Variants in PLEKHG5 observed in about 807,000 individuals in gnomAD.
The protein encoded by PLEKHG5 is pleckstrin homology and RhoGEF domain containing G5.
PLEKHG5 carries 52 observed loss-of-function variants against 103.8 expected under a neutral mutation model. The observed-to-expected ratio is 0.50, with a 90% CI of 0.40 to 0.63. The LOEUF is 0.63. PLEKHG5 is among the 30% of genes least tolerant of loss of function. The probability of loss-of-function intolerance (pLI) is 0.00; values close to 1 mark genes in which losing one functional copy is unlikely to be tolerated. For missense variants in PLEKHG5, 1,205 were observed against 1,347.6 expected (o/e 0.89, Z 1.66); for synonymous variants, 592 against 575.5 (o/e 1.03, Z -0.41).
At position 6,469,035 on chromosome 1, in the gene PLEKHG5, G is replaced by A; in HGVS notation, c.2249+7C>T. 1 of 1,612,248 alleles carries A rather than the reference G, an allele frequency of 6.2e-7. No individual in the cohort carries two copies. Among genetic ancestry groups the A allele is most frequent in the Non-Finnish European group, 8.5e-7 (1 of 1,178,656 alleles). On this transcript the variant is annotated splice_region_variant and intron_variant, in intron 19 of 20. Transcript: ENST00000377728. ...TTGACCTGCTGGGTGGTCATGAGCA[G>A]ACGTACCAGTGCTGAGAGTCGGGGC...
chr1:6,486,457 C>T lies in PLEKHG5; in HGVS notation c.-88+5180G>A, dbSNP rs1415773055. ...ACACCGACTGCTCACTGCCCAGGTA[C>T]GGCAGAGGCCGAGAGCCAAAGGCCG... is the stretch of plus-strand genomic sequence containing the variant. On this transcript the variant is annotated intron_variant, in intron 1 of 20. Transcript: ENST00000377728. The surrounding 1 kb of genome is among the most constrained non-coding windows in gnomAD (Gnocchi z 5.3). Among the ~76,000 whole-genome samples, 1 of 152,242 alleles carries T rather than the reference C, an allele frequency of 6.6e-6. No individual in the cohort carries two copies. Among genetic ancestry groups the T allele is most frequent in the Admixed American group, 6.5e-5 (1 of 15,290 alleles).
At chr1:6,498,669 G>A (rs952621591), upstream of PLEKHG5, among the ~76,000 whole-genome samples, 4 of 152,128 alleles carry the variant, frequency 2.6e-5, no homozygotes, top group African/African-American at 9.7e-5. Context: ...AGGCACCCCG[G>A]GGGCCTCCAG....
intron 1 of PLEKHG5, among the ~76,000 whole-genome samples, chr1:6,504,209 C>T (rs1164169598): frequency 2.6e-5 from 4 of 152,288 alleles, no homozygotes; most frequent in Non-Finnish European, 4.4e-5. Flanking sequence ...TCCCACCCTC[C>T]GACTCCAGGA....
intron 17 of PLEKHG5, 28 bp downstream of exon 17, chr1:6,469,516 C>T (rs749940121): frequency 1.9e-6 from 3 of 1,613,798 alleles, no homozygotes; most frequent in Non-Finnish European, 2.5e-6. Flanking sequence ...CAGCCCCTGA[C>T]CAGGAACAGG....
chr1:6,512,901 G>GA (rs1435785100), intron 1 of PLEKHG5, among the ~76,000 whole-genome samples: 2 of 152,154 alleles, frequency 1.3e-5, no homozygotes, highest in Non-Finnish European at 2.9e-5. Flanking sequence ...TGGCCATGGG[G>GA]GGGTGAATAA....
At chr1:6,489,563 C>T (rs1645106901) in intron 1 of PLEKHG5, among the ~76,000 whole-genome samples, 1 of 152,226 alleles carries the variant, frequency 6.6e-6, no homozygotes, top group Non-Finnish European at 1.5e-5. Context: ...AACATCCCCT[C>T]CTGCCCAGCC....
chr1:6,485,299 TTCCC>T, intron 1 of PLEKHG5: 1 of 1,348,504 alleles, frequency 7.4e-7, no homozygotes, highest in African/African-American at 1.5e-5. Flanking sequence ...CCCAGCCCCG[TTCCC>T]GCCCCGTCCC....
Position 6,490,435 on chromosome 1 carries a change from C to G in PLEKHG5, c.-88+1202G>C. The G allele has an allele frequency of 1.0e-6, 1 of 985,230 alleles. No homozygotes were observed. Among genetic ancestry groups the G allele is most frequent in the Non-Finnish European group, 1.2e-6 (1 of 829,844 alleles). The allele number at this position is 985,230 out of a possible 1,614,324, so 61.0% of individuals were successfully genotyped here. A position where few individuals can be genotyped will look rare whatever the true frequency, so the allele number is the denominator to read the frequency against. On this transcript the variant is annotated intron_variant, in intron 1 of 20. Coordinates refer to ENST00000377728, the MANE Select transcript of PLEKHG5 (RefSeq NM_020631.6). This position sits in a 1 kb window ranked among gnomAD's most constrained non-coding sequence, Gnocchi z 8.0. ...GTCCGGAGCGCAGCTCCCACTTCCC[C>G]GCGACTCACCTAGGAACAGGACCAG...
intron 1 of PLEKHG5, among the ~76,000 whole-genome samples, chr1:6,517,156 A>G (rs1319435670): frequency 6.6e-6 from 1 of 150,728 alleles, no homozygotes; most frequent in African/African-American, 2.5e-5. Flanking sequence ...AAATACAAAA[A>G]ATTAGCCAGG....
chr1:6,497,133 A>C, upstream of PLEKHG5: 3 of 1,105,676 alleles, frequency 2.7e-6, no homozygotes, highest in Non-Finnish European at 3.9e-6. This position sits in a 1 kb window ranked among gnomAD's most constrained non-coding sequence, Gnocchi z 6.1. Context: ...AGGCGGGGGG[A>C]GGGAGGAGAA....
In PLEKHG5 at chr1:6,469,105, G is replaced by A. The variant is rs1418356542; in HGVS notation, c.2186C>T (p.Thr729Ile). Residue 729 changes from threonine to isoleucine, a missense_variant, in exon 19 of 21, where the codon ACT becomes ATT. Coordinates refer to ENST00000377728, the MANE Select transcript of PLEKHG5 (RefSeq NM_020631.6). ...GATGGTAGGGGAGCTGGCAGCTGAAGTGCCACTGTCCTCGCCTTCCTCCTC... is the reference window on the plus strand; with the variant it reads ...GATGGTAGGGGAGCTGGCAGCTGAAATGCCACTGTCCTCGCCTTCCTCCTC... ...EEEEEGEDSG[T>I]SAASSPTIMR... is the part of the protein sequence containing the mutation. 6.2e-7 allele frequency: 1 copy of A among 1,612,970 alleles called. No homozygotes were observed. Among genetic ancestry groups the A allele is most frequent in the Non-Finnish European group, 8.5e-7 (1 of 1,179,966 alleles).
chr1:6,476,550 A>G (rs1440636109), intron 2 of PLEKHG5, among the ~76,000 whole-genome samples: 3 of 152,100 alleles, frequency 2.0e-5, no homozygotes, highest in Non-Finnish European at 2.9e-5. Context: ...CTGGGATGAC[A>G]CCCATGGTGA....
intron 1 of PLEKHG5, among the ~76,000 whole-genome samples, chr1:6,510,566 G>C (rs1638445707): frequency 6.6e-6 from 1 of 151,958 alleles, no homozygotes; most frequent in African/African-American, 2.4e-5. Context: ...ATCTAGCCTG[G>C]GTGACAGAAT....
Position 6,471,582 on chromosome 1 carries a change from C to T in PLEKHG5, c.1187G>A (p.Arg396Lys). ...NIPEIAQLHR[R>K]LWASVMAPVL... Reference sequence around the variant, plus strand: ...CGGCGCCATCACGCTAGCCCACAGCCTGCGGTGCAGCTGCGCGATCTCCGG... The same window carrying T: ...CGGCGCCATCACGCTAGCCCACAGCTTGCGGTGCAGCTGCGCGATCTCCGG... The change falls in exon 12 of 21, where the codon AGG becomes AAG. Residue 396 changes from arginine (R) to lysine (K), a missense_variant. By Grantham distance (26) the Arg-to-Lys change is conservative. Coordinates refer to ENST00000377728, the MANE Select transcript of PLEKHG5 (RefSeq NM_020631.6). 6.2e-7 allele frequency: 1 copy of T among 1,600,984 alleles called. No individual in the cohort carries two copies.
intron 1 of PLEKHG5, chr1:6,485,917 A>G (rs2148614796): frequency 4.1e-6 from 4 of 985,984 alleles, no homozygotes; most frequent in Non-Finnish European, 4.8e-6. Context: ...AGGGCTCCTC[A>G]GAACTTGCTC....
chr1:6,475,636 C>T, intron 3 of PLEKHG5, 114 bp from the exon 4 acceptor site: 1 of 937,480 alleles, frequency 1.1e-6, no homozygotes, highest in South Asian at 1.3e-5. Context: ...GACAGGTAAC[C>T]CGCGTGGATT....
intron 1 of PLEKHG5, among the ~76,000 whole-genome samples, chr1:6,519,233 G>C (rs934720223): frequency 1.8e-4 from 27 of 152,184 alleles, no homozygotes; most frequent in Non-Finnish European, 1.5e-5. Context: ...AATCAGAGCT[G>C]ATGGCTCAAA....
At chr1:6,512,318 C>T (rs1328591935) in intron 1 of PLEKHG5, among the ~76,000 whole-genome samples, 1 of 152,202 alleles carries the variant, frequency 6.6e-6, no homozygotes, top group Non-Finnish European at 1.5e-5. Flanking sequence ...CTGTTCAAGC[C>T]CTGAGGCCAC....
chr1:6,477,860 G>A (rs977048183), intron 1 of PLEKHG5, among the ~76,000 whole-genome samples: 17 of 149,816 alleles, frequency 1.1e-4, no homozygotes, highest in South Asian at 4.2e-4. Context: ...ACACCAACAC[G>A]TGGTTATTTC....
Sources: allele counts gnomAD v4.1 joint callset (sites outside exome capture counted in the v4.1 genomes callset), GRCh38; gene constraint gnomAD v4.1.1; non-coding constraint Gnocchi (gnomAD v3.1); transcripts MANE v1.5; gene names NCBI Gene and HGNC (gene_info 2026-07-23, HGNC 2026-07-21).